AK9: variants seen among roughly 807,000 people sequenced by gnomAD.
AK9 encodes adenylate kinase domain containing 1.
AK9 carries 191 observed loss-of-function variants against 239.6 expected under a neutral mutation model. That is an observed-to-expected ratio of 0.80 (90% CI 0.71 to 0.90). The LOEUF is 0.90. AK9 is among the 40% of genes least tolerant of loss of function. The pLI is 0.00. For missense variants in AK9, 1,995 were observed against 2,214.7 expected, an observed-to-expected ratio of 0.90 and a Z score of 1.99; for synonymous variants, 689 against 721.0, an observed-to-expected ratio of 0.96 and a Z score of 0.71.
At chr6:109,618,284 A>C (rs1018817208) in intron 13 of AK9, among the ~76,000 whole-genome samples, 1 of 152,128 alleles carries the variant, frequency 6.6e-6, no homozygotes, top group African/African-American at 2.4e-5. Context: ...ATTAAGAGGA[A>C]AGGTTTAGAT....
intron 29 of AK9, 33 bp downstream of exon 29, chr6:109,528,978 C>T: frequency 2.6e-6 from 4 of 1,552,022 alleles, no homozygotes; most frequent in Non-Finnish European, 3.5e-6. Context: ...CAGAGTGAGA[C>T]CCTGTTTTGA....
chr6:109,524,744 T>C (rs566748629), intron 29 of AK9, among the ~76,000 whole-genome samples: 1 of 152,310 alleles, frequency 6.6e-6, no homozygotes, highest in South Asian at 2.1e-4. Context: ...ACTATTTCTT[T>C]TGAGGGTTGT....
chr6:109,655,787 A>C (rs1204774630), intron 8 of AK9, among the ~76,000 whole-genome samples: 1 of 152,202 alleles, frequency 6.6e-6, no homozygotes, highest in Admixed American at 6.5e-5. Flanking sequence ...AGGAGTAGTC[A>C]AGATACTTTT....
At chr6:109,620,005 T>C (rs1033470960) in intron 12 of AK9, among the ~76,000 whole-genome samples, 4 of 152,182 alleles carry the variant, frequency 2.6e-5, no homozygotes, top group Non-Finnish European at 5.9e-5. Context: ...CTTTTTATTG[T>C]TGAATGGATT....
chr6:109,656,105 C>T (rs971434), intron 8 of AK9, among the ~76,000 whole-genome samples: 45,062 of 152,074 alleles, frequency 0.3, 7,144 homozygotes, highest in Middle Eastern at 0.4. Flanking sequence ...TAGAGTCTGG[C>T]TAAATGCGCA....
At chr6:109,683,650 T>C (rs1356120612) in intron 1 of AK9, among the ~76,000 whole-genome samples, 2 of 152,142 alleles carry the variant, frequency 1.3e-5, no homozygotes, top group African/African-American at 4.8e-5. Context: ...CCATTCACAA[T>C]TGCTACAAAG....
chr6:109,519,197 T>C (rs1329473765), intron 29 of AK9, among the ~76,000 whole-genome samples: 1 of 152,232 alleles, frequency 6.6e-6, no homozygotes, highest in Non-Finnish European at 1.5e-5. Context: ...TGTAGCACAT[T>C]TCCTTTACCC....
chr6:109,494,137 T>C (rs767353050), intron 39 of AK9, 42 bp from the exon 40 acceptor site: 1 of 1,470,154 alleles, frequency 6.8e-7, no homozygotes, highest in Non-Finnish European at 9.5e-7. Flanking sequence ...ATACTTGAGT[T>C]TGGTTTCTTT....
intron 12 of AK9, chr6:109,632,686 G>T: frequency 1.0e-6 from 1 of 996,898 alleles, no homozygotes; most frequent in Non-Finnish European, 1.3e-6. Flanking sequence ...ACATGTGGGA[G>T]CTTTTGGGAA....
At chr6:109,514,974 G>A (rs1483100391) in intron 31 of AK9, among the ~76,000 whole-genome samples, 1 of 152,204 alleles carries the variant, frequency 6.6e-6, no homozygotes, top group Non-Finnish European at 1.5e-5. Context: ...AGGAGGAAGA[G>A]ACATCAGGGT....
At chr6:109,630,821 G>T (rs1265069280) in intron 12 of AK9, among the ~76,000 whole-genome samples, 1 of 151,820 alleles carries the variant, frequency 6.6e-6, no homozygotes, top group Admixed American at 6.6e-5. Flanking sequence ...CTTCAGCCTG[G>T]GCAATAGAGC....
chr6:109,570,032 A>G (rs1466549062), intron 21 of AK9, among the ~76,000 whole-genome samples: 3 of 152,186 alleles, frequency 2.0e-5, no homozygotes, highest in African/African-American at 7.2e-5. Flanking sequence ...AACCAACCCA[A>G]ATGTCCATCA....
intron 37 of AK9, 60 bp downstream of exon 37, chr6:109,497,736 A>G: frequency 6.4e-7 from 1 of 1,557,366 alleles, no homozygotes; most frequent in East Asian, 2.3e-5. Flanking sequence ...AGATTATTAC[A>G]TGAACCACTT....
At chr6:109,571,694 A>G (rs1177070804) in intron 21 of AK9, among the ~76,000 whole-genome samples, 2 of 152,182 alleles carry the variant, frequency 1.3e-5, no homozygotes, top group Admixed American at 6.6e-5. Context: ...TATCAAAACT[A>G]CGATCACTGT....
At chr6:109,633,949 T>G (rs1796421042) in intron 10 of AK9, among the ~76,000 whole-genome samples, 2 of 152,240 alleles carry the variant, frequency 1.3e-5, no homozygotes, top group African/African-American at 4.8e-5. Flanking sequence ...ATTTTATATT[T>G]ATGCTTACTT....
chr6:109,500,909 T>C (rs1411548066), intron 35 of AK9, among the ~76,000 whole-genome samples: 1 of 152,026 alleles, frequency 6.6e-6, no homozygotes, highest in East Asian at 1.9e-4. Flanking sequence ...TCCCTGCTAC[T>C]TGAGAGGCTG....
intron 25 of AK9, 53 bp downstream of exon 25, chr6:109,550,037 A>T: frequency 6.5e-7 from 1 of 1,544,574 alleles, no homozygotes; most frequent in East Asian, 2.3e-5. Flanking sequence ...ATTGGTAATC[A>T]GTCCCAAAAA....
chr6:109,659,468 CCT>C, intron 6 of AK9, 55 bp from the exon 7 acceptor site: 2 of 1,548,220 alleles, frequency 1.3e-6, no homozygotes, highest in Non-Finnish European at 1.7e-6. Context: ...CTTTTAATTC[CCT>C]GTGTATTTAT....
At position 109,561,488 on chromosome 6, in the gene AK9, A is replaced by C. The variant is rs571023272; in HGVS notation, c.2751+2109T>G. Among the ~76,000 whole-genome samples the C allele has an allele frequency of 2.7e-5, 4 of 150,932 alleles. No individual in the cohort carries two copies. In the South Asian group the frequency reaches 8.4e-4, roughly 32 times the overall value. The stretch of plus-strand genomic sequence containing the variant: ...ACCACCATGCCTGGTTAATTTTTGT[A>C]TTTTTTGTAGAGATGGGGTTTCGCC... On this transcript the variant is annotated intron_variant, in intron 24 of 40. Coordinates refer to ENST00000424296, the MANE Select transcript of AK9 (RefSeq NM_001145128.3).
Sources: allele counts gnomAD v4.1 joint callset (sites outside exome capture counted in the v4.1 genomes callset), GRCh38; gene constraint gnomAD v4.1.1; transcripts MANE v1.5; gene names NCBI Gene and HGNC (gene_info 2026-07-23, HGNC 2026-07-21).